DGKD: variants seen among roughly 807,000 people sequenced by gnomAD.
The protein encoded by DGKD is diacylglycerol kinase delta.
DGKD carries 68 observed loss-of-function variants against 154.4 expected under a neutral mutation model. The ratio of observed to expected loss-of-function variants is 0.44; its 90% CI spans 0.36 to 0.54. The LOEUF (loss-of-function observed/expected upper bound fraction) is 0.54. Ranked by LOEUF, DGKD falls within the 20% of genes least tolerant of loss-of-function variation. DGKD has a pLI of 0.00. For synonymous variants in DGKD, 693 were observed against 638.0 expected (o/e 1.09, Z -1.30); for missense variants, 1,343 against 1,593.6 (o/e 0.84, Z 2.68).
Position 233,459,766 on chromosome 2 carries a change from G to T in DGKD, c.2704G>T (p.Val902Leu). Residue 902 changes from valine to leucine, a missense_variant, in exon 23 of 30, where the codon GTG becomes TTG. Physicochemically the swap from Val to Leu is conservative, Grantham distance 32. This residue lies in a region of DGKD where 429 missense variants were observed against 496.3 expected (regional missense o/e 0.86). Coordinates refer to ENST00000264057, the MANE Select transcript of DGKD (RefSeq NM_152879.3). This position sits in a 1 kb window ranked among gnomAD's most constrained non-coding sequence, Gnocchi z 5.7. ...QHHRIAQCRT[V>L]KISILGDEGV... ...TATGATGTCTGCTCAGTGTCGCACG[G>T]TGAAGATCTCCATCCTTGGGGATGA... 6.2e-7 allele frequency: 1 copy of T among 1,613,966 alleles called. No individual in the cohort carries two copies.
At chr2:233,420,213 A>G (rs768307412) in intron 3 of DGKD, among the ~76,000 whole-genome samples, 5 of 152,168 alleles carry the variant, frequency 3.3e-5, no homozygotes, top group African/African-American at 4.8e-5. Flanking sequence ...TTCCCTCAGC[A>G]GAGTCTGGCT....
At chr2:233,437,579 A>T (rs1173312065) in intron 8 of DGKD, 100 bp downstream of exon 8, 1 of 1,207,696 alleles carries the variant, frequency 8.3e-7, no homozygotes, top group Non-Finnish European at 1.2e-6. Flanking sequence ...TCTTGGTGAG[A>T]TGTCAGCAAG....
rs551495460 is a variant in DGKD, at chr2:233,378,971, C to T, written c.157-9286C>T. On this transcript the variant is annotated intron_variant, in intron 1 of 29. Coordinates refer to ENST00000264057, the MANE Select transcript of DGKD (RefSeq NM_152879.3). ...TCTTGAGCCCAAGAGGTCAAGGCTG[C>T]GGTGAGCTGTGATTGAGCCACTGTA... 1.1e-4 allele frequency among the ~76,000 whole-genome samples: 16 copies of T among 152,266 alleles called. No individual in the cohort carries two copies. In the East Asian group the frequency reaches 1.4e-3, roughly 13 times the overall value.
intron 6 of DGKD, 44 bp from the exon 7 acceptor site, chr2:233,436,272 G>T (rs1473127717): frequency 6.2e-7 from 1 of 1,611,700 alleles, no homozygotes; most frequent in Admixed American, 1.7e-5. Context: ...CCTGGACGTG[G>T]AACCTTGGGA....
chr2:233,406,545 CGAG>C (rs1166385921), intron 3 of DGKD, among the ~76,000 whole-genome samples: 6 of 152,126 alleles, frequency 3.9e-5, no homozygotes, highest in African/African-American at 7.2e-5. Flanking sequence ...GACGGGGAGA[CGAG>C]GAGAGGAGAA....
At chr2:233,409,950 G>C (rs947112899) in intron 3 of DGKD, among the ~76,000 whole-genome samples, 1 of 152,028 alleles carries the variant, frequency 6.6e-6, no homozygotes, top group African/African-American at 2.4e-5. Flanking sequence ...GTTAATCAGT[G>C]CTGGACTTCA....
At position 233,385,238 on chromosome 2, in the gene DGKD, G is replaced by A. The variant is rs141103083; in HGVS notation, c.157-3019G>A. On this transcript the variant is annotated intron_variant, in intron 1 of 29. Coordinates refer to ENST00000264057, the MANE Select transcript of DGKD (RefSeq NM_152879.3). ...TGCGCTTCCCCCCAAGCAGCTGCAC[G>A]TGGTAGTCTTGGACCTGTGGGCTGG... is the stretch of plus-strand genomic sequence containing the variant. Among the ~76,000 whole-genome samples the A allele has an allele frequency of 5.8e-3, 884 of 152,264 alleles. 15 individuals are homozygous for A. Among genetic ancestry groups the A allele is most frequent in the African/African-American group, 0.02 (850 of 41,548 alleles).
intron 2 of DGKD, among the ~76,000 whole-genome samples, chr2:233,389,990 G>A (rs1316370111): frequency 6.6e-6 from 1 of 152,184 alleles, no homozygotes; most frequent in Non-Finnish European, 1.5e-5. Context: ...CAAGCCAGGA[G>A]GACACGGAAT....
At chr2:233,433,203 A>G (rs914108014) in intron 3 of DGKD, among the ~76,000 whole-genome samples, 6 of 152,246 alleles carry the variant, frequency 3.9e-5, no homozygotes, top group Admixed American at 2.6e-4. Flanking sequence ...GTGTTCATCA[A>G]CAGACACATG....
At chr2:233,436,530 G>A in intron 7 of DGKD, 89 bp downstream of exon 7, 1 of 1,498,960 alleles carries the variant, frequency 6.7e-7, no homozygotes, top group Non-Finnish European at 8.9e-7. Context: ...TGATCTGCTG[G>A]ATCCTGGTAA....
At chr2:233,380,835 G>A (rs1208238687) in intron 1 of DGKD, among the ~76,000 whole-genome samples, 1 of 152,076 alleles carries the variant, frequency 6.6e-6, no homozygotes, top group Non-Finnish European at 1.5e-5. Context: ...GGCTTTTTTG[G>A]GTTTGGTCCT....
At chr2:233,405,536 G>GAA (rs921124101) in intron 3 of DGKD, among the ~76,000 whole-genome samples, 1 of 149,672 alleles carries the variant, frequency 6.7e-6, no homozygotes, top group Non-Finnish European at 1.5e-5. Flanking sequence ...AAAAAAGAAA[G>GAA]AAAAAAAAAG....
intron 1 of DGKD, among the ~76,000 whole-genome samples, chr2:233,378,429 T>G (rs572961304): frequency 8.3e-5 from 12 of 145,246 alleles, no homozygotes; most frequent in Non-Finnish European, 1.8e-4. Context: ...AAAAAAAAAC[T>G]TGTAGAGATG....
intron 1 of DGKD, among the ~76,000 whole-genome samples, chr2:233,356,344 G>A (rs1217583425): frequency 6.6e-6 from 1 of 152,158 alleles, no homozygotes; most frequent in Non-Finnish European, 1.5e-5. Context: ...TTGCTTTTTG[G>A]CCTTGGGCAA....
chr2:233,407,159 C>A (rs1440478344), intron 3 of DGKD, among the ~76,000 whole-genome samples: 1 of 152,198 alleles, frequency 6.6e-6, no homozygotes, highest in Non-Finnish European at 1.5e-5. Flanking sequence ...AGTTTCTAAT[C>A]TCCACCACCA....
Position 233,464,209 on chromosome 2 carries a change from G to T in DGKD, c.3232G>T (p.Glu1078Ter). Reference protein sequence around the residue: ...QKEQLGSALAEMDRQLRRLAD... With the variant: ...QKEQLGSALA Reference sequence around the variant, plus strand: ...GGAGCAGCTGGGGAGTGCTCTTGCCGAGATGGACCGACAGCTCAGGAGGCT... The same window carrying T: ...GGAGCAGCTGGGGAGTGCTCTTGCCTAGATGGACCGACAGCTCAGGAGGCT... Residue 1078 changes from glutamate (E) to a stop codon, truncating the protein, a stop_gained, in exon 27 of 30, where the codon GAG becomes TAG. Transcript: ENST00000264057. LOFTEE classifies it high-confidence loss of function. 1.2e-6 allele frequency: 2 copies of T among 1,613,648 alleles called. No individual in the cohort carries two copies. The highest frequency in any genetic ancestry group is 1.1e-5 in the South Asian group (1 of 91,090).
At chr2:233,365,890 A>G (rs1356348086) in intron 1 of DGKD, among the ~76,000 whole-genome samples, 2 of 152,276 alleles carry the variant, frequency 1.3e-5, no homozygotes, top group Non-Finnish European at 2.9e-5. Context: ...AGGGAAATTT[A>G]TAGCTTAAAA....
Position 233,390,580 on chromosome 2 carries a change from C to A in DGKD, c.348+97C>A, listed in dbSNP as rs78125373. ...TCCAAGCAGTTCAAACGTTTTCATT[C>A]TTTTCTTACTGATTGGAATGATTGC... On this transcript the variant is annotated intron_variant, in intron 3 of 29. Coordinates refer to ENST00000264057, the MANE Select transcript of DGKD (RefSeq NM_152879.3). The A allele has an allele frequency of 1.7e-3, 1,395 of 823,350 alleles. 22 individuals carry two copies. In the African/African-American group the frequency reaches 0.021, roughly 13 times the overall value. 51.0% of individuals were successfully genotyped at this position (823,350 alleles called of 1,614,324 possible).
At chr2:233,373,564 A>C (rs6722763) in intron 1 of DGKD, among the ~76,000 whole-genome samples, 1 of 152,080 alleles carries the variant, frequency 6.6e-6, no homozygotes, top group Non-Finnish European at 1.5e-5. Flanking sequence ...AGCTGAAACG[A>C]TACTGTTGGA....
Sources: gnomAD v4.1 joint callset for allele counts (sites outside exome capture counted in the v4.1 genomes callset) on GRCh38, gnomAD v4.1.1 for gene constraint, gnomAD v4.1.1 regional missense constraint, Gnocchi (gnomAD v3.1) non-coding constraint, MANE v1.5 for transcripts, NCBI Gene and HGNC (gene_info 2026-07-23, HGNC 2026-07-21) for gene names.